VPS13B: variants seen among roughly 807,000 people sequenced by gnomAD.
The protein encoded by VPS13B is vacuolar protein sorting 13 homolog B.
In VPS13B, 285 loss-of-function variants were observed where a neutral mutation model predicts 426.4. The ratio of observed to expected loss-of-function variants is 0.67; its 90% CI spans 0.61 to 0.74. The LOEUF is 0.74. VPS13B is among the 30% of genes least tolerant of loss of function. VPS13B has a pLI of 0.00. For missense variants in VPS13B, 4,537 were observed against 4,782.6 expected, an observed-to-expected ratio of 0.95 and a Z score of 1.51; for synonymous variants, 1,676 against 1,676.4, an observed-to-expected ratio of 1.00 and a Z score of 0.01.
intron 33 of VPS13B, among the ~76,000 whole-genome samples, chr8:99,588,858 G>T (rs1826444985): frequency 6.6e-6 from 1 of 151,778 alleles, no homozygotes. Context: ...ATGTTGAATA[G>T]GAGTGGTGAG....
intron 3 of VPS13B, among the ~76,000 whole-genome samples, chr8:99,091,017 G>A (rs574769354): frequency 6.2e-4 from 95 of 152,260 alleles, no homozygotes; most frequent in Non-Finnish European, 1.0e-3. Flanking sequence ...GAATGTCATA[G>A]GTAGCAATAA....
chr8:99,213,615 A>G (rs981018055), intron 17 of VPS13B, among the ~76,000 whole-genome samples: 12 of 152,194 alleles, frequency 7.9e-5, no homozygotes, highest in Admixed American at 3.9e-4. Flanking sequence ...ATTTTCAGCT[A>G]TGCCCCAGGG....
intron 33 of VPS13B, among the ~76,000 whole-genome samples, chr8:99,602,026 G>A (rs889357794): frequency 6.6e-6 from 1 of 152,078 alleles, no homozygotes; most frequent in African/African-American, 2.4e-5. Flanking sequence ...GTCAATTTTG[G>A]CTTTTGTTGC....
At chr8:99,460,893 G>C (rs939417260) in intron 23 of VPS13B, among the ~76,000 whole-genome samples, 1 of 152,170 alleles carries the variant, frequency 6.6e-6, no homozygotes, top group Non-Finnish European at 1.5e-5. Flanking sequence ...CTGTGGTAGA[G>C]ATAGAAATGA....
At chr8:99,263,151 C>T (rs911718198) in intron 17 of VPS13B, among the ~76,000 whole-genome samples, 3 of 152,152 alleles carry the variant, frequency 2.0e-5, no homozygotes, top group African/African-American at 7.2e-5. Context: ...CCCTGTCATC[C>T]TCACTGCTTT....
At chr8:99,360,811 A>G (rs575496299) in intron 19 of VPS13B, among the ~76,000 whole-genome samples, 1 of 152,184 alleles carries the variant, frequency 6.6e-6, no homozygotes, top group South Asian at 2.1e-4. Flanking sequence ...ATGTAAGTTA[A>G]GTTCTTAGTC....
At chr8:99,605,921 G>A (rs1046105795) in intron 33 of VPS13B, among the ~76,000 whole-genome samples, 1 of 152,100 alleles carries the variant, frequency 6.6e-6, no homozygotes, top group East Asian at 1.9e-4. Flanking sequence ...TTTGAGACAA[G>A]GTCCCACTGT....
intron 3 of VPS13B, among the ~76,000 whole-genome samples, chr8:99,076,636 T>A (rs1845139956): frequency 6.6e-6 from 1 of 152,032 alleles, no homozygotes; most frequent in Non-Finnish European, 1.5e-5. Context: ...TTACAGTTTT[T>A]CATTTAAAGT....
At chr8:99,519,710 C>T (rs1237468480) in intron 29 of VPS13B, among the ~76,000 whole-genome samples, 5 of 149,586 alleles carry the variant, frequency 3.3e-5, no homozygotes, top group African/African-American at 1.2e-4. Flanking sequence ...GACAAAAAAC[C>T]AAACACCACA....
At chr8:99,654,837 G>A (rs539906492) in intron 34 of VPS13B, among the ~76,000 whole-genome samples, 25 of 151,340 alleles carry the variant, frequency 1.7e-4, no homozygotes, top group African/African-American at 6.1e-4. Context: ...TTTGTTCTTG[G>A]CTGGGGATAA....
At chr8:99,195,116 A>G (rs1212181425) in intron 17 of VPS13B, among the ~76,000 whole-genome samples, 1 of 152,188 alleles carries the variant, frequency 6.6e-6, no homozygotes, top group African/African-American at 2.4e-5. Context: ...AAGTGCTGGG[A>G]TTATAGGCGT....
chr8:99,801,289 T>C (rs1813107183), intron 43 of VPS13B, among the ~76,000 whole-genome samples: 1 of 152,172 alleles, frequency 6.6e-6, no homozygotes, highest in African/African-American at 2.4e-5. Context: ...GTGACTCCAT[T>C]TGGGTTACAA....
chr8:99,743,435 C>T (rs1476102615), intron 39 of VPS13B, among the ~76,000 whole-genome samples: 1 of 151,968 alleles, frequency 6.6e-6, no homozygotes, highest in Non-Finnish European at 1.5e-5. Context: ...CCCCATCAAG[C>T]TACCAATGAC....
intron 33 of VPS13B, among the ~76,000 whole-genome samples, chr8:99,591,164 C>CTTT (rs376201526): frequency 6.5e-4 from 63 of 96,526 alleles, no homozygotes; most frequent in Non-Finnish European, 1.1e-3. Context: ...GCAACCGCTC[C>CTTT]TTTTTTTTTT....
At chr8:99,422,856 CTT>C (rs1344649527) in intron 21 of VPS13B, among the ~76,000 whole-genome samples, 2 of 152,106 alleles carry the variant, frequency 1.3e-5, no homozygotes, top group Non-Finnish European at 2.9e-5. Flanking sequence ...ACTTCTATAA[CTT>C]TTTCTATGTG....
rs1331709699 is a variant in VPS13B, at chr8:99,306,862, G to A, written c.2824+31608G>A. Among the ~76,000 whole-genome samples, 3 of 152,090 alleles carry A rather than the reference G, an allele frequency of 2.0e-5. No homozygotes were observed. In the East Asian group the frequency reaches 5.8e-4, roughly 29 times the overall value. ...AATTACAGAAGAGTCATCAAAGAAA[G>A]TATGTGATTAACTGACAGTTTATTG... is the stretch of plus-strand genomic sequence containing the variant. On this transcript the variant is annotated intron_variant, in intron 19 of 61. Coordinates refer to ENST00000357162, the MANE Select transcript of VPS13B (RefSeq NM_152564.5).
intron 19 of VPS13B, among the ~76,000 whole-genome samples, chr8:99,378,416 G>A (rs901431802): frequency 9.9e-5 from 15 of 152,178 alleles, no homozygotes; most frequent in East Asian, 7.7e-4. Context: ...GAGTCCTGAG[G>A]CGACATACAT....
intron 54 of VPS13B, among the ~76,000 whole-genome samples, chr8:99,845,267 C>G (rs1437613257): frequency 2.0e-5 from 3 of 152,056 alleles, no homozygotes; most frequent in Non-Finnish European, 4.4e-5. Flanking sequence ...TGTGTGTCCT[C>G]AGGGGGTTTT....
rs561423745 is a variant in VPS13B, at chr8:99,575,891, T to C, written c.5076+107T>C. 3.3e-4 allele frequency: 356 copies of C among 1,090,602 alleles called. 3 individuals are homozygous for C. The South Asian group carries it at 4.6e-3, about 14-fold the overall frequency. The allele number at this position is 1,090,602 out of a possible 1,614,324, so 67.6% of individuals were successfully genotyped here. A position where few individuals can be genotyped will look rare whatever the true frequency, so the allele number is the denominator to read the frequency against. ...GCCCATAGGACTTCAAATTAGCTCA[T>C]TAATAATAATGGCTACTATCATAGC... On this transcript the variant is annotated intron_variant, in intron 32 of 61. Coordinates refer to ENST00000357162, the MANE Select transcript of VPS13B (RefSeq NM_152564.5).
Sources: gnomAD v4.1 joint callset for allele counts (sites outside exome capture counted in the v4.1 genomes callset) on GRCh38, gnomAD v4.1.1 for gene constraint, MANE v1.5 for transcripts, NCBI Gene and HGNC (gene_info 2026-07-23, HGNC 2026-07-21) for gene names.